Variants in LRRIQ3 observed in about 807,000 individuals in gnomAD.
LRRIQ3 encodes leucine-rich repeat and IQ domain-containing protein 3.
Under a neutral mutation model 59.3 loss-of-function variants are expected in LRRIQ3, and 75 were observed. The observed-to-expected ratio is 1.26, with a 90% CI of 1.05 to 1.53. The LOEUF is 1.53. Ranked by LOEUF, LRRIQ3 falls within the 40% of genes most tolerant of loss-of-function variation. The pLI is 0.00. For missense variants in LRRIQ3, 831 were observed against 710.0 expected, an observed-to-expected ratio of 1.17 and a Z score of -1.94; for synonymous variants, 250 against 231.3, an observed-to-expected ratio of 1.08 and a Z score of -0.73.
chr1:74,034,713 T>C (rs80193566), intron 7 of LRRIQ3, among the ~76,000 whole-genome samples: 2,173 of 150,992 alleles, frequency 0.014, 52 homozygotes, highest in African/African-American at 0.051. Flanking sequence ...GAGGGGGAAA[T>C]AAATAGTATT....
chr1:74,079,836 T>G (rs980214860), intron 5 of LRRIQ3, among the ~76,000 whole-genome samples: 2 of 151,868 alleles, frequency 1.3e-5, no homozygotes, highest in African/African-American at 4.8e-5. Flanking sequence ...AGAAATAATT[T>G]TAAAAGAAAC....
intron 7 of LRRIQ3, among the ~76,000 whole-genome samples, chr1:74,039,967 C>T (rs1653992723): frequency 6.6e-6 from 1 of 152,034 alleles, no homozygotes; most frequent in South Asian, 2.1e-4. Context: ...GGGCTAAATG[C>T]CCCAATTAAA....
At chr1:74,165,892 C>A (rs1262030363) in intron 3 of LRRIQ3, among the ~76,000 whole-genome samples, 6 of 151,436 alleles carry the variant, frequency 4.0e-5, no homozygotes, top group South Asian at 2.1e-4. Context: ...AATGTTGAAC[C>A]ATCCTTGAAT....
At chr1:74,152,140 A>G (rs1191304191) in intron 4 of LRRIQ3, among the ~76,000 whole-genome samples, 2 of 152,098 alleles carry the variant, frequency 1.3e-5, no homozygotes, top group Admixed American at 6.5e-5. Flanking sequence ...AAAATTATAT[A>G]AGACATGTAA....
intron 3 of LRRIQ3, among the ~76,000 whole-genome samples, chr1:74,164,624 C>T (rs982834307): frequency 6.6e-6 from 1 of 151,460 alleles, no homozygotes; most frequent in African/African-American, 2.4e-5. Flanking sequence ...TTTTCATTCT[C>T]CTAACAGGGT....
intron 6 of LRRIQ3, among the ~76,000 whole-genome samples, chr1:74,060,947 C>T (rs900200545): frequency 2.0e-5 from 3 of 152,050 alleles, no homozygotes; most frequent in African/African-American, 7.2e-5. Context: ...AGGCAAGAAG[C>T]GTCCCACTCT....
At chr1:74,115,792 G>T (rs2100575082) in intron 4 of LRRIQ3, among the ~76,000 whole-genome samples, 1 of 152,098 alleles carries the variant, frequency 6.6e-6, no homozygotes, top group Non-Finnish European at 1.5e-5. Flanking sequence ...AATCTATACT[G>T]AGAAAAATAC....
intron 3 of LRRIQ3, among the ~76,000 whole-genome samples, chr1:74,157,302 T>C (rs557888851): frequency 6.6e-6 from 1 of 152,244 alleles, no homozygotes; most frequent in Non-Finnish European, 1.5e-5. Flanking sequence ...CTATCTATAC[T>C]GAGTAGAAGT....
intron 6 of LRRIQ3, among the ~76,000 whole-genome samples, chr1:74,072,737 T>C (rs1655062839): frequency 6.6e-6 from 1 of 151,970 alleles, no homozygotes; most frequent in South Asian, 2.1e-4. Flanking sequence ...CTGAACCATT[T>C]TGAAAAAAAA....
At chr1:74,034,231 C>T (rs1453776964) in intron 7 of LRRIQ3, among the ~76,000 whole-genome samples, 1 of 151,954 alleles carries the variant, frequency 6.6e-6, no homozygotes, top group African/African-American at 2.4e-5. Flanking sequence ...TTTCAGAAGT[C>T]TCCAGTTAGA....
intron 3 of LRRIQ3, among the ~76,000 whole-genome samples, chr1:74,162,621 T>A (rs536185564): frequency 6.6e-6 from 1 of 151,980 alleles, no homozygotes; most frequent in African/African-American, 2.4e-5. Context: ...TATATGCTAG[T>A]CACATTGTAT....
At chr1:74,197,484 T>C (rs1368451223) in intron 1 of LRRIQ3, among the ~76,000 whole-genome samples, 1 of 152,162 alleles carries the variant, frequency 6.6e-6, no homozygotes. Flanking sequence ...TTTATATAGC[T>C]ACCCAAAAAA....
At chr1:74,157,548 C>CT (rs200099457) in intron 3 of LRRIQ3, among the ~76,000 whole-genome samples, 26 of 151,084 alleles carry the variant, frequency 1.7e-4, no homozygotes, top group Middle Eastern at 3.4e-3. Context: ...CTCCCACTTT[C>CT]TTTTTTTTTG....
At position 74,182,814 on chromosome 1, in the gene LRRIQ3, T is replaced by TA. The variant is rs745893505; in HGVS notation, c.296dup (p.Leu101ThrfsTer6). 3.1e-6 allele frequency: 5 copies of TA among 1,591,704 alleles called. No individual in the cohort carries two copies. In the African/African-American group the frequency reaches 6.7e-5, roughly 21 times the overall value. On this transcript the variant is annotated frameshift_variant, in exon 3 of 8. Coordinates refer to ENST00000354431, the MANE Select transcript of LRRIQ3 (RefSeq NM_001105659.2). LOFTEE classifies it high-confidence loss of function. ...CATTGTCATGAAGATAGAGTAGTTTTAGGTTCTTCAATCCATTCCAAAATT... is the reference window on the plus strand; with the variant it reads ...CATTGTCATGAAGATAGAGTAGTTTTAAGGTTCTTCAATCCATTCCAAAATT...
chr1:74,124,648 T>A (rs575280588), intron 4 of LRRIQ3, among the ~76,000 whole-genome samples: 1 of 152,178 alleles, frequency 6.6e-6, no homozygotes, highest in Non-Finnish European at 1.5e-5. Context: ...TTGGCACCTT[T>A]ATCAAAAATC....
At chr1:74,160,826 A>G (rs1648616161) in intron 3 of LRRIQ3, among the ~76,000 whole-genome samples, 2 of 152,082 alleles carry the variant, frequency 1.3e-5, no homozygotes, top group African/African-American at 4.8e-5. Context: ...CCTATTCTGT[A>G]GTAATGGATC....
intron 6 of LRRIQ3, among the ~76,000 whole-genome samples, chr1:74,063,221 T>C (rs1654778686): frequency 6.6e-6 from 1 of 152,040 alleles, no homozygotes; most frequent in South Asian, 2.1e-4. Context: ...TTTTCTTCTA[T>C]CATTTCTAAT....
At chr1:74,076,831 C>T (rs927168405) in intron 5 of LRRIQ3, among the ~76,000 whole-genome samples, 6 of 151,916 alleles carry the variant, frequency 3.9e-5, no homozygotes, top group African/African-American at 1.4e-4. Flanking sequence ...TTTTATTTTT[C>T]ATTTAAAAAT....
At chr1:74,173,327 C>G (rs1649443568) in intron 3 of LRRIQ3, among the ~76,000 whole-genome samples, 1 of 151,288 alleles carries the variant, frequency 6.6e-6, no homozygotes, top group South Asian at 2.1e-4. Context: ...TTCACTCCCT[C>G]CTTATCTTTT....
Sources: gnomAD v4.1 joint callset for allele counts (sites outside exome capture counted in the v4.1 genomes callset) on GRCh38, gnomAD v4.1.1 for gene constraint, MANE v1.5 for transcripts, NCBI Gene and HGNC (gene_info 2026-07-23, HGNC 2026-07-21) for gene names.